MCTP1: variants seen among roughly 807,000 people sequenced by gnomAD.
MCTP1 encodes the protein multiple C2 and transmembrane domain-containing protein 1.
In MCTP1, 69 loss-of-function variants were observed where a neutral mutation model predicts 120.6. The observed-to-expected ratio is 0.57, with a 90% CI of 0.47 to 0.70. The LOEUF (loss-of-function observed/expected upper bound fraction) is 0.70, where lower values mean the gene tolerates loss of function less well. Among genes scored for constraint, MCTP1 ranks in the 30% least tolerant of loss-of-function variants. The pLI, the probability that MCTP1 is intolerant of heterozygous loss-of-function variation, is 0.00. For synonymous variants in MCTP1, 529 were observed against 493.1 expected, an observed-to-expected ratio of 1.07 and a Z score of -0.96; for missense variants, 1,203 against 1,248.8, an observed-to-expected ratio of 0.96 and a Z score of 0.55.
At chr5:95,155,879 T>C (rs1382776558) in intron 1 of MCTP1, among the ~76,000 whole-genome samples, 1 of 152,182 alleles carries the variant, frequency 6.6e-6, no homozygotes, top group Non-Finnish European at 1.5e-5. Flanking sequence ...AGGTGATGGG[T>C]TGGTCACTCA....
chr5:94,713,381 A>C (rs1212246468), intron 20 of MCTP1, among the ~76,000 whole-genome samples: 1 of 152,104 alleles, frequency 6.6e-6, no homozygotes, highest in Non-Finnish European at 1.5e-5. Context: ...TCAGCTAGTC[A>C]TGTTTTCCAG....
chr5:95,103,224 C>T (rs1404610902), intron 1 of MCTP1, among the ~76,000 whole-genome samples: 1 of 151,890 alleles, frequency 6.6e-6, no homozygotes, highest in African/African-American at 2.4e-5. Context: ...AATCAGAAAT[C>T]AATGAACATC....
At chr5:95,087,276 A>T (rs1755505278) in intron 1 of MCTP1, among the ~76,000 whole-genome samples, 1 of 152,236 alleles carries the variant, frequency 6.6e-6, no homozygotes, top group Non-Finnish European at 1.5e-5. Context: ...TCTAAGAATT[A>T]AACTTTGAAA....
intron 11 of MCTP1, among the ~76,000 whole-genome samples, chr5:94,892,418 G>A (rs942252686): frequency 3.3e-5 from 5 of 152,122 alleles, no homozygotes; most frequent in African/African-American, 7.2e-5. Flanking sequence ...CAAGGGTTCA[G>A]CATACCCGTT....
chr5:94,969,612 A>C (rs1225435053), intron 2 of MCTP1, among the ~76,000 whole-genome samples: 1 of 152,150 alleles, frequency 6.6e-6, no homozygotes, highest in Non-Finnish European at 1.5e-5. Flanking sequence ...AGGAATAAGA[A>C]AAAAGACAAA....
At chr5:94,992,725 C>T (rs1321691694) in intron 2 of MCTP1, among the ~76,000 whole-genome samples, 1 of 152,170 alleles carries the variant, frequency 6.6e-6, no homozygotes, top group Non-Finnish European at 1.5e-5. Flanking sequence ...GAGAACTCTA[C>T]ACTTGTCCCA....
chr5:95,243,255 TAA>T (rs1756373466), intron 1 of MCTP1, among the ~76,000 whole-genome samples: 1 of 152,168 alleles, frequency 6.6e-6, no homozygotes, highest in Non-Finnish European at 1.5e-5. Flanking sequence ...TGGAAAAATA[TAA>T]GTTTTCAGAC....
intron 2 of MCTP1, among the ~76,000 whole-genome samples, chr5:94,981,556 A>C (rs1025451905): frequency 2.1e-4 from 32 of 152,224 alleles, no homozygotes; most frequent in African/African-American, 7.5e-4. Flanking sequence ...CCTCCATTCT[A>C]GTGGAGGAAG....
At chr5:94,925,779 T>G (rs534049960) in intron 6 of MCTP1, among the ~76,000 whole-genome samples, 94 of 152,294 alleles carry the variant, frequency 6.2e-4, no homozygotes, top group Non-Finnish European at 1.1e-3. Flanking sequence ...AACAGAAATA[T>G]CAATTGATAA....
intron 4 of MCTP1, among the ~76,000 whole-genome samples, chr5:94,941,596 C>T (rs1405871542): frequency 1.3e-5 from 2 of 151,968 alleles, no homozygotes. Flanking sequence ...CCAAAACAGC[C>T]AGGAATTCCT....
intron 2 of MCTP1, among the ~76,000 whole-genome samples, chr5:95,016,639 T>C (rs114835975): frequency 0.025 from 3,801 of 152,022 alleles, 81 homozygotes; most frequent in Middle Eastern, 0.041. Flanking sequence ...TCCTTTGGAA[T>C]TGGGGGCTCT....
chr5:94,899,093 A>G (rs1387565288), intron 10 of MCTP1, among the ~76,000 whole-genome samples: 2 of 152,228 alleles, frequency 1.3e-5, no homozygotes, highest in African/African-American at 4.8e-5. Context: ...TCTAATTTCA[A>G]ATTGTATTGC....
chr5:95,184,764 A>G (rs895773818), intron 1 of MCTP1, among the ~76,000 whole-genome samples: 2 of 152,192 alleles, frequency 1.3e-5, no homozygotes, highest in Admixed American at 6.5e-5. Context: ...TAAGATCAGT[A>G]CTTGAGACAT....
chr5:95,110,897 A>G (rs911558973), intron 1 of MCTP1, among the ~76,000 whole-genome samples: 1 of 152,188 alleles, frequency 6.6e-6, no homozygotes, highest in Admixed American at 6.5e-5. Flanking sequence ...ACATCTCTGT[A>G]AGTCTATTAA....
chr5:95,133,272 A>G (rs901799274), intron 1 of MCTP1, among the ~76,000 whole-genome samples: 7 of 152,364 alleles, frequency 4.6e-5, no homozygotes, highest in Admixed American at 1.3e-4. Flanking sequence ...GCACTGAATG[A>G]TACATATACA....
chr5:95,074,708 G>A (rs987179862), intron 1 of MCTP1, among the ~76,000 whole-genome samples: 34 of 152,092 alleles, frequency 2.2e-4, no homozygotes, highest in African/African-American at 8.2e-4. Flanking sequence ...AAAGCTTCTA[G>A]GTAGAATCTA....
At chr5:95,262,326 A>T (rs190056418) in intron 1 of MCTP1, among the ~76,000 whole-genome samples, 15 of 152,338 alleles carry the variant, frequency 9.8e-5, no homozygotes, top group Admixed American at 3.9e-4. Context: ...GAAATGGCTA[A>T]CCAAGCCAGC....
intron 19 of MCTP1, among the ~76,000 whole-genome samples, chr5:94,728,364 C>T (rs376054709): frequency 6.6e-6 from 1 of 152,130 alleles, no homozygotes; most frequent in African/African-American, 2.4e-5. Flanking sequence ...CTTGAATCCA[C>T]CAAACGAGAA....
chr5:95,046,176 G>C (rs1843109329), intron 1 of MCTP1, among the ~76,000 whole-genome samples: 1 of 152,154 alleles, frequency 6.6e-6, no homozygotes, highest in Non-Finnish European at 1.5e-5. Context: ...CCAACCACAT[G>C]AGAGAACTCA....
Sources: gnomAD v4.1 joint callset for allele counts (sites outside exome capture counted in the v4.1 genomes callset) on GRCh38, gnomAD v4.1.1 for gene constraint, MANE v1.5 for transcripts, NCBI Gene and HGNC (gene_info 2026-07-23, HGNC 2026-07-21) for gene names.